The following SHPRH variants were observed in gnomAD, a reference collection of about 807,000 sequenced individuals.
SHPRH encodes SNF2 histone linker PHD RING helicase.
In SHPRH, 106 loss-of-function variants were observed where a neutral mutation model predicts 202.5. That is an observed-to-expected ratio of 0.52 (90% CI 0.45 to 0.62). The LOEUF (loss-of-function observed/expected upper bound fraction) is 0.62. Among genes scored for constraint, SHPRH ranks in the 20% least tolerant of loss-of-function variants. SHPRH has a pLI of 0.00. For synonymous variants in SHPRH, 729 were observed against 686.0 expected (o/e 1.06, Z -0.98); for missense variants, 1,710 against 2,020.0 (o/e 0.85, Z 2.94).
chr6:145,859,487 A>C (rs149366609), downstream of SHPRH, among the ~76,000 whole-genome samples: 280 of 152,170 alleles, frequency 1.8e-3, no homozygotes, highest in Non-Finnish European at 2.9e-3. Context: ...ATGAGTGGAG[A>C]TATTGACAGC....
chr6:145,945,286 G>T (rs546488665), intron 8 of SHPRH, 95 bp downstream of exon 8: 1 of 1,371,682 alleles, frequency 7.3e-7, no homozygotes. Flanking sequence ...TCTTCAGATC[G>T]TAAGAGTTTC....
rs1230755943 is a variant in SHPRH at position 145,933,084 on chromosome 6, C to A, written c.3085G>T (p.Gly1029Cys). The change falls in exon 14 of 30, where the codon GGC (glycine) becomes TGC (cysteine). Residue 1029 changes from glycine (G) to cysteine (C), a missense_variant. Around this residue, in one of 8 missense-constraint regions of SHPRH, gnomAD observed 288 missense variants for 317.8 expected, o/e 0.91. Transcript: ENST00000275233. ...TTAATAATATGAATGCCTGCTAAGC[C>A]ATTGAGAGCACAAACTAGCTGTCGA... Reference protein sequence around the residue: ...AHRQLVCALNGLAGIHIIKGE... With the variant: ...AHRQLVCALNCLAGIHIIKGE... 6.2e-7 allele frequency: 1 copy of A among 1,613,738 alleles called. No individual in the cohort carries two copies. Among genetic ancestry groups the A allele is most frequent in the Admixed American group, 1.7e-5 (1 of 60,006 alleles).
At chr6:145,919,124 G>T in intron 22 of SHPRH, 1 of 468,296 alleles carries the variant, frequency 2.1e-6, no homozygotes, top group Non-Finnish European at 3.7e-6. Flanking sequence ...AGAGAAACAA[G>T]ATGCCCCAAA....
At chr6:145,960,263 T>G (rs1250488246) in intron 1 of SHPRH, among the ~76,000 whole-genome samples, 1 of 152,174 alleles carries the variant, frequency 6.6e-6, no homozygotes, top group Non-Finnish European at 1.5e-5. Flanking sequence ...GTTTTCAAAG[T>G]GCTTAAAAAC....
chr6:145,892,799 C>T (rs1781680249), intron 28 of SHPRH, among the ~76,000 whole-genome samples: 1 of 151,998 alleles, frequency 6.6e-6, no homozygotes, highest in African/African-American at 2.4e-5. Context: ...CATTTATTTT[C>T]AGTCATGTAC....
intron 12 of SHPRH, 32 bp downstream of exon 12, chr6:145,935,246 T>C (rs530281778): frequency 3.9e-5 from 63 of 1,610,982 alleles, no homozygotes; most frequent in Non-Finnish European, 5.0e-5. Flanking sequence ...TCTCTTATAG[T>C]ACCTTTATCA....
intron 25 of SHPRH, among the ~76,000 whole-genome samples, chr6:145,900,696 A>T (rs959521035): frequency 1.3e-5 from 2 of 152,228 alleles, no homozygotes; most frequent in South Asian, 4.1e-4. Flanking sequence ...CCTTACATAA[A>T]ATGATAGTAT....
intron 2 of SHPRH, among the ~76,000 whole-genome samples, chr6:145,954,121 C>A (rs115711583): frequency 1.8e-3 from 271 of 149,960 alleles, no homozygotes; most frequent in African/African-American, 6.3e-3. Context: ...CCAGGAATTA[C>A]CAGGGAAGGG....
At chr6:145,927,621 TAA>T in intron 14 of SHPRH, among the ~76,000 whole-genome samples, 1 of 151,822 alleles carries the variant, frequency 6.6e-6, no homozygotes. Context: ...TTGCTGAAGT[TAA>T]AAGGTGGCAA....
downstream of SHPRH, chr6:145,884,241 TA>T (rs560941912): frequency 2.3e-4 from 35 of 152,316 alleles, no homozygotes; most frequent in African/African-American, 7.5e-4. Context: ...TAACAATTCC[TA>T]AAACTGAATG....
At chr6:145,872,004 T>C (rs1469640846) in intron 2 of SHPRH, among the ~76,000 whole-genome samples, 1 of 152,156 alleles carries the variant, frequency 6.6e-6, no homozygotes, top group Non-Finnish European at 1.5e-5. Context: ...ATGCAGGATA[T>C]TGAAACTGGC....
intron 11 of SHPRH, among the ~76,000 whole-genome samples, 176 bp downstream of exon 11, chr6:145,940,547 A>T (rs1280945661): frequency 2.0e-5 from 3 of 152,102 alleles, no homozygotes; most frequent in African/African-American, 4.8e-5. Context: ...TAAACAGAAA[A>T]ATCACCTGAG....
intron 25 of SHPRH, chr6:145,907,432 CT>C (rs1332560587): frequency 6.6e-6 from 1 of 152,124 alleles, no homozygotes; most frequent in Non-Finnish European, 1.5e-5. Flanking sequence ...CAAGAGAGAT[CT>C]TTTTGAAATC....
chr6:145,860,253 T>C (rs1779535741), downstream of SHPRH, among the ~76,000 whole-genome samples: 1 of 151,918 alleles, frequency 6.6e-6, no homozygotes, highest in East Asian at 1.9e-4. Flanking sequence ...TAGAAAATCC[T>C]AAAGGTGCCA....
chr6:145,936,978 CTTTTTTTTT>C (rs1206387630), intron 11 of SHPRH, among the ~76,000 whole-genome samples: 2 of 125,662 alleles, frequency 1.6e-5, no homozygotes, highest in African/African-American at 6.0e-5. Flanking sequence ...CATGCTTCAT[CTTTTTTTTT>C]TTTTTTTTTT....
downstream of SHPRH, chr6:145,883,886 A>G (rs1428824840): frequency 6.6e-6 from 1 of 152,148 alleles, no homozygotes; most frequent in Non-Finnish European, 1.5e-5. Context: ...GTTTAGCTAA[A>G]TTCTAGAAAA....
In SHPRH at chr6:145,922,801, G is replaced by A. The variant is rs778213056; in HGVS notation, c.3581C>T (p.Thr1194Ile). The change falls in exon 19 of 30, where the codon ACA becomes ATA. Residue 1194 changes from threonine to isoleucine, a missense_variant. By Grantham distance (89) the Thr-to-Ile change is moderately conservative (BLOSUM62 -1). Coordinates refer to ENST00000275233, the MANE Select transcript of SHPRH (RefSeq NM_001042683.3). ...RDCRGLQFLLTTQMEELNKCQ... is the reference protein window; with the variant it reads ...RDCRGLQFLLITQMEELNKCQ... ...TTTATTTAGCTCTTCCATTTGTGTT[G>A]TAAGTAAGAACTGAAGACCTCTGCA... The A allele has an allele frequency of 1.2e-6, 2 of 1,611,622 alleles. No individual in the cohort carries two copies. Among genetic ancestry groups the A allele is most frequent in the Non-Finnish European group, 8.5e-7 (1 of 1,178,510 alleles).
chr6:145,864,867 T>C (rs1422149384), intron 2 of SHPRH, among the ~76,000 whole-genome samples: 1 of 152,060 alleles, frequency 6.6e-6, no homozygotes, highest in African/African-American at 2.4e-5. Context: ...AATGCCACTA[T>C]CATTTTTTGC....
Position 145,926,237 on chromosome 6 carries a change from T to C in SHPRH, c.3261A>G (p.Pro1087=), listed in dbSNP as rs1404914302. 6.2e-7 allele frequency: 1 copy of C among 1,612,962 alleles called. No homozygotes were observed. Among genetic ancestry groups the C allele is most frequent in the Non-Finnish European group, 8.5e-7 (1 of 1,179,254 alleles). Residue 1087 remains proline, a synonymous_variant, in exon 16 of 30, where the codon CCA becomes CCG. Transcript: ENST00000275233. ...ELLIARHPGI[P]PTLRDGRLEE... ...CAAGTCGGCCATCACGCAAGGTAGGTGGTATCCCTGGGTGCCTGGCTATCA... is the reference window on the plus strand; with the variant it reads ...CAAGTCGGCCATCACGCAAGGTAGGCGGTATCCCTGGGTGCCTGGCTATCA...
Sources: allele counts gnomAD v4.1 joint callset (sites outside exome capture counted in the v4.1 genomes callset), GRCh38; gene constraint gnomAD v4.1.1; regional missense constraint gnomAD v4.1.1; transcripts MANE v1.5; gene names NCBI Gene and HGNC (gene_info 2026-07-23, HGNC 2026-07-21).